UBE2E1: variants seen among roughly 807,000 people sequenced by gnomAD.
UBE2E1 encodes ubiquitin-conjugating enzyme E2 E1.
UBE2E1 carries 6 observed loss-of-function variants against 21.4 expected under a neutral mutation model. The ratio of observed to expected loss-of-function variants is 0.28; its 90% CI spans 0.15 to 0.55. The LOEUF (loss-of-function observed/expected upper bound fraction) is 0.55. UBE2E1 is among the 20% of genes least tolerant of loss of function. UBE2E1 has a pLI of 0.93. For missense variants in UBE2E1, 142 were observed against 236.5 expected, an observed-to-expected ratio of 0.60 and a Z score of 2.62; for synonymous variants, 87 against 82.7, an observed-to-expected ratio of 1.05 and a Z score of -0.28.
chr3:23,867,482 TC>T (rs1365798580), intron 3 of UBE2E1, among the ~76,000 whole-genome samples: 1 of 152,238 alleles, frequency 6.6e-6, no homozygotes, highest in African/African-American at 2.4e-5. Flanking sequence ...TTTCAAATCT[TC>T]CATGTGTTTT....
In UBE2E1 at chr3:23,844,696, G is replaced by A. The variant is rs72627019; in HGVS notation, c.203+33186G>A. Among the ~76,000 whole-genome samples the A allele has an allele frequency of 3.6e-3, 542 of 152,248 alleles. 10 individuals carry two copies. The East Asian group carries it at 0.044, about 12-fold the overall frequency. The stretch of plus-strand genomic sequence containing the variant: ...AGAATTCCTGTGTCCTCTTAGGTGC[G>A]TTCTGATTTTCTAATTTTTGCCAAT... On this transcript the variant is annotated intron_variant, in intron 3 of 5. Coordinates refer to ENST00000306627, the MANE Select transcript of UBE2E1 (RefSeq NM_003341.5).
intron 3 of UBE2E1, among the ~76,000 whole-genome samples, chr3:23,845,589 C>CTCTCTGTGTGTGTGTG (rs1553637998): frequency 1.1e-4 from 13 of 121,350 alleles, no homozygotes; most frequent in African/African-American, 3.9e-4. Context: ...CTCTCTCTCT[C>CTCTCTGTGTGTGTGTG]TGTGTGTGTG....
intron 3 of UBE2E1, among the ~76,000 whole-genome samples, chr3:23,826,340 A>G (rs1264249482): frequency 6.6e-6 from 1 of 152,224 alleles, no homozygotes; most frequent in Non-Finnish European, 1.5e-5. Context: ...TGCATACATA[A>G]TATTTAAAGC....
chr3:23,886,561 C>T (rs897044224), intron 3 of UBE2E1, among the ~76,000 whole-genome samples: 2 of 152,204 alleles, frequency 1.3e-5, no homozygotes, highest in Non-Finnish European at 2.9e-5. Context: ...TTGCATCTCT[C>T]ACACCAAATT....
chr3:23,829,031 AG>A (rs1238516123), intron 3 of UBE2E1, among the ~76,000 whole-genome samples: 1 of 152,098 alleles, frequency 6.6e-6, no homozygotes, highest in Non-Finnish European at 1.5e-5. Flanking sequence ...CTGTAGCTAG[AG>A]GGGGGTGGCA....
chr3:23,844,942 A>T (rs1269325260), intron 3 of UBE2E1, among the ~76,000 whole-genome samples: 2 of 152,180 alleles, frequency 1.3e-5, no homozygotes, highest in African/African-American at 2.4e-5. Flanking sequence ...ATTTTAATAT[A>T]TAATATATAA....
intron 3 of UBE2E1, among the ~76,000 whole-genome samples, chr3:23,849,767 T>C (rs1700283518): frequency 6.6e-6 from 1 of 152,186 alleles, no homozygotes; most frequent in Non-Finnish European, 1.5e-5. Flanking sequence ...TTGATGGGAA[T>C]TTGGGTTGGT....
In UBE2E1 at chr3:23,853,974, T is replaced by A. The variant is rs34986000; in HGVS notation, c.204-33593T>A. On this transcript the variant is annotated intron_variant, in intron 3 of 5. Coordinates refer to ENST00000306627, the MANE Select transcript of UBE2E1 (RefSeq NM_003341.5). This position sits in a 1 kb window ranked among gnomAD's most constrained non-coding sequence, Gnocchi z 4.1. ...CCCAGGCCCATCAGAATGCTTTATC[T>A]TGGTCAGGCATGGTGGCTCATGCCT... Among the ~76,000 whole-genome samples, 51,539 of 152,004 alleles carry A rather than the reference T, an allele frequency of 0.34. 9,315 individuals carry two copies. Among genetic ancestry groups the A allele is most frequent in the Middle Eastern group, 0.5 (148 of 294 alleles).
chr3:23,810,598 G>T lies in UBE2E1; in HGVS notation c.153-862G>T, dbSNP rs553114828. The T allele has an allele frequency of 3.3e-5, 48 of 1,434,902 alleles. No individual in the cohort carries two copies. The Middle Eastern group carries it at 5.9e-4, about 18-fold the overall frequency. 88.9% of individuals were successfully genotyped at this position (1,434,902 alleles called of 1,614,324 possible). On this transcript the variant is annotated intron_variant, in intron 2 of 5. Coordinates refer to ENST00000306627, the MANE Select transcript of UBE2E1 (RefSeq NM_003341.5). The surrounding 1 kb of genome is among the most constrained non-coding windows in gnomAD (Gnocchi z 5.8). ...AGGCAGGGTCCGGTGCACCTGTGCG[G>T]CCGCGGGCCGGCCACTTGGGGTCTG...
chr3:23,862,792 C>G (rs1224767865), intron 3 of UBE2E1, among the ~76,000 whole-genome samples: 1 of 152,074 alleles, frequency 6.6e-6, no homozygotes, highest in Non-Finnish European at 1.5e-5. Flanking sequence ...GTGGTGCCAT[C>G]ACGGCTTACT....
intron 3 of UBE2E1, among the ~76,000 whole-genome samples, chr3:23,867,241 GAAGGAACTTTGA>G (rs1700676895): frequency 1.3e-5 from 2 of 152,138 alleles, no homozygotes; most frequent in Non-Finnish European, 2.9e-5. Flanking sequence ...CAAAGTTTGT[GAAGGAACTTTGA>G]AAATTATATA....
chr3:23,818,956 G>A (rs1250964416), intron 3 of UBE2E1, among the ~76,000 whole-genome samples: 2 of 152,174 alleles, frequency 1.3e-5, no homozygotes, highest in African/African-American at 4.8e-5. Context: ...TGTAGGCTGA[G>A]AGGAAGAAGC....
intron 4 of UBE2E1, 117 bp from the exon 5 acceptor site, chr3:23,888,992 ATCT>A (rs1559496966): frequency 9.1e-6 from 9 of 992,026 alleles, no homozygotes; most frequent in East Asian, 2.6e-5. Flanking sequence ...TTTATTGTCT[ATCT>A]TCTTGACAGC....
At chr3:23,854,113 C>G (rs970209860) in intron 3 of UBE2E1, among the ~76,000 whole-genome samples, 1 of 152,058 alleles carries the variant, frequency 6.6e-6, no homozygotes, top group South Asian at 2.1e-4. Context: ...GAAAAATTAA[C>G]CGATTGTGGT....
At chr3:23,879,550 G>C (rs1700988833) in intron 3 of UBE2E1, 3 of 316,472 alleles carry the variant, frequency 9.5e-6, no homozygotes, top group South Asian at 6.8e-5. Context: ...TCTTGCTTTA[G>C]AACTTCTCTT....
At chr3:23,877,690 C>G (rs924962103) in intron 3 of UBE2E1, among the ~76,000 whole-genome samples, 2 of 152,072 alleles carry the variant, frequency 1.3e-5, no homozygotes, top group Admixed American at 6.6e-5. Flanking sequence ...GAATGATGTA[C>G]TTTATGTAAG....
At chr3:23,826,095 A>G (rs1699753069) in intron 3 of UBE2E1, among the ~76,000 whole-genome samples, 1 of 152,190 alleles carries the variant, frequency 6.6e-6, no homozygotes, top group African/African-American at 2.4e-5. Flanking sequence ...AATTGTATTA[A>G]AAAATAGAGG....
chr3:23,821,507 G>A (rs776106093), intron 3 of UBE2E1, among the ~76,000 whole-genome samples: 6 of 152,314 alleles, frequency 3.9e-5, no homozygotes, highest in South Asian at 2.1e-4. Context: ...TAGCTGGGAG[G>A]AAGATGCTAG....
At chr3:23,811,651 A>C (rs374165195) in intron 3 of UBE2E1, 141 bp downstream of exon 3, 19 of 759,326 alleles carry the variant, frequency 2.5e-5, no homozygotes, top group African/African-American at 1.1e-4. Flanking sequence ...GCTGAAATTT[A>C]TTAACCTGAG....
Sources: gnomAD v4.1 joint callset for allele counts (sites outside exome capture counted in the v4.1 genomes callset) on GRCh38, gnomAD v4.1.1 for gene constraint, Gnocchi (gnomAD v3.1) non-coding constraint, MANE v1.5 for transcripts, NCBI Gene and HGNC (gene_info 2026-07-23, HGNC 2026-07-21) for gene names.